CCDC171: variants seen among roughly 807,000 people sequenced by gnomAD.
CCDC171 encodes coiled-coil domain containing 171.
CCDC171 carries 177 observed loss-of-function variants against 168.2 expected under a neutral mutation model. The observed-to-expected ratio is 1.05, with a 90% CI of 0.93 to 1.19. CCDC171 has a LOEUF of 1.19. CCDC171 is among the 50% of genes most tolerant of loss of function. The pLI is 0.00. For synonymous variants in CCDC171, 687 were observed against 540.8 expected, an observed-to-expected ratio of 1.27 and a Z score of -3.75; for missense variants, 1,991 against 1,539.0, an observed-to-expected ratio of 1.29 and a Z score of -4.91.
chr9:15,986,334 T>C (rs1831985737), intron 3 of CCDC171, among the ~76,000 whole-genome samples: 1 of 152,216 alleles, frequency 6.6e-6, no homozygotes, highest in Non-Finnish European at 1.5e-5. Context: ...TCATTGAGTA[T>C]ACTTCAAAGA....
At chr9:15,877,942 A>T (rs992854755) in intron 24 of CCDC171, among the ~76,000 whole-genome samples, 2 of 152,164 alleles carry the variant, frequency 1.3e-5, no homozygotes, top group Non-Finnish European at 2.9e-5. Context: ...TTAAACAGTA[A>T]CAATAGCTAA....
intron 18 of CCDC171, among the ~76,000 whole-genome samples, chr9:15,763,897 G>T (rs115881194): frequency 0.012 from 1,855 of 152,202 alleles, 28 homozygotes; most frequent in African/African-American, 0.043. Flanking sequence ...TCTTTTGTTG[G>T]ATGTATGTTT....
chr9:15,890,306 T>C (rs541966657), intron 24 of CCDC171, among the ~76,000 whole-genome samples: 1 of 152,228 alleles, frequency 6.6e-6, no homozygotes, highest in South Asian at 2.1e-4. Flanking sequence ...TGAAATTTGT[T>C]CTTGCTGGGT....
intron 21 of CCDC171, among the ~76,000 whole-genome samples, chr9:15,825,119 C>G (rs1017992154): frequency 1.3e-5 from 2 of 152,184 alleles, no homozygotes; most frequent in Non-Finnish European, 2.9e-5. Context: ...CCACCTATGA[C>G]TGAATTTCAG....
intron 16 of CCDC171, 114 bp from the exon 17 acceptor site, chr9:15,744,159 T>A (rs1228597062): frequency 1.2e-6 from 1 of 830,584 alleles, no homozygotes; most frequent in Admixed American, 3.0e-5. Flanking sequence ...CACATGTATC[T>A]TTTAAAGAGG....
chr9:15,764,637 C>G (rs748288142), intron 18 of CCDC171, among the ~76,000 whole-genome samples: 3 of 152,108 alleles, frequency 2.0e-5, no homozygotes, highest in East Asian at 3.8e-4. Context: ...CATGTTATGT[C>G]TGAGAAATAT....
intron 7 of CCDC171, among the ~76,000 whole-genome samples, chr9:15,624,480 A>G (rs1198743453): frequency 1.3e-5 from 2 of 151,708 alleles, no homozygotes; most frequent in African/African-American, 4.8e-5. Context: ...ACCCCATGAC[A>G]GGCCCCGGTG....
intron 3 of CCDC171, among the ~76,000 whole-genome samples, chr9:15,993,057 C>T (rs1437522159): frequency 2.6e-5 from 4 of 152,174 alleles, no homozygotes; most frequent in Non-Finnish European, 4.4e-5. Context: ...CCCCATCAAG[C>T]TACCAATGAC....
chr9:15,918,140 C>T lies in CCDC171; in HGVS notation c.3601-2130C>T, dbSNP rs551952076. 4.6e-5 allele frequency among the ~76,000 whole-genome samples: 7 copies of T among 151,610 alleles called. 1 individual carries two copies. In the South Asian group the frequency reaches 8.3e-4, roughly 18 times the overall value. On this transcript the variant is annotated intron_variant, in intron 24 of 25. Coordinates refer to ENST00000380701, the MANE Select transcript of CCDC171 (RefSeq NM_173550.4). ...TAAACTTGGACTAGTTATTTAATCC[C>T]TCCAAGCTCCTGTGTTTTGCTCTGA...
intron 16 of CCDC171, among the ~76,000 whole-genome samples, chr9:15,734,567 T>G (rs2054364064): frequency 6.6e-6 from 1 of 152,068 alleles, no homozygotes; most frequent in Non-Finnish European, 1.5e-5. Flanking sequence ...AATAAATAAA[T>G]AAATAGGCAT....
chr9:15,989,514 G>A (rs945550163), intron 3 of CCDC171, among the ~76,000 whole-genome samples: 3 of 152,112 alleles, frequency 2.0e-5, no homozygotes, highest in African/African-American at 7.2e-5. Context: ...CTAAAAATCC[G>A]AGGGCCTCTC....
rs751239381 is a variant in CCDC171 at position 15,996,710 on chromosome 9, T to C, written n.369-23879T>C. On this transcript the variant is annotated intron_variant and non_coding_transcript_variant, in intron 3 of 9. Transcript: ENST00000486641. ...ACATGTATGTCAATCTGGAAGGATATACAAGTATTATTATTAGCTCTGAGA... is the reference window on the plus strand; with the variant it reads ...ACATGTATGTCAATCTGGAAGGATACACAAGTATTATTATTAGCTCTGAGA... Among the ~76,000 whole-genome samples the C allele has an allele frequency of 3.2e-4, 49 of 152,258 alleles. 1 individual carries two copies. Among genetic ancestry groups the C allele is most frequent in the Non-Finnish European group, 5.7e-4 (39 of 68,022 alleles).
At chr9:15,708,389 C>G (rs2052404749) in intron 11 of CCDC171, among the ~76,000 whole-genome samples, 1 of 152,206 alleles carries the variant, frequency 6.6e-6, no homozygotes, top group Non-Finnish European at 1.5e-5. Context: ...GTACAATCAG[C>G]TTCCCTTTGA....
chr9:15,705,535 A>G (rs538218265), intron 11 of CCDC171, among the ~76,000 whole-genome samples: 1 of 152,280 alleles, frequency 6.6e-6, no homozygotes, highest in East Asian at 1.9e-4. Flanking sequence ...CTACCCAGAA[A>G]GCTTTTTACC....
At chr9:16,102,630 C>T in the CCDC171 span, among the ~76,000 whole-genome samples, 1 of 152,112 alleles carries the variant, frequency 6.6e-6, no homozygotes, top group African/African-American at 2.4e-5. Context: ...ACAAGAAACT[C>T]GGATATCTTT....
intron 3 of CCDC171, among the ~76,000 whole-genome samples, chr9:15,578,034 C>T (rs904395687): frequency 2.0e-5 from 3 of 152,100 alleles, no homozygotes; most frequent in Non-Finnish European, 2.9e-5. Flanking sequence ...GCAAAATTGG[C>T]ACTTTTATTA....
chr9:15,656,780 T>G (rs1311195163), intron 7 of CCDC171, among the ~76,000 whole-genome samples: 1 of 152,160 alleles, frequency 6.6e-6, no homozygotes, highest in African/African-American at 2.4e-5. Flanking sequence ...ACATAAGGAA[T>G]CTTTTAAGAG....
rs988764478 is a variant in CCDC171 at position 15,631,700 on chromosome 9, G to A, written c.822+8287G>A. Among the ~76,000 whole-genome samples the A allele has an allele frequency of 9.2e-5, 14 of 151,982 alleles. 1 individual carries two copies. In the South Asian group the frequency reaches 1.2e-3, roughly 14 times the overall value. Reference sequence around the variant, plus strand: ...CCAGCATCATTCTGATACGAAAGCCGGGCAGAGACACAACCAAAAAAGAGA... The same window carrying A: ...CCAGCATCATTCTGATACGAAAGCCAGGCAGAGACACAACCAAAAAAGAGA... On this transcript the variant is annotated intron_variant, in intron 7 of 25. Coordinates refer to ENST00000380701, the MANE Select transcript of CCDC171 (RefSeq NM_173550.4).
chr9:15,769,847 A>T (rs2056921861), intron 18 of CCDC171, among the ~76,000 whole-genome samples: 2 of 152,222 alleles, frequency 1.3e-5, no homozygotes, highest in South Asian at 4.1e-4. Flanking sequence ...TTGAAATAGC[A>T]GCCTTAAGCC....
Sources: gnomAD v4.1 joint callset for allele counts (sites outside exome capture counted in the v4.1 genomes callset) on GRCh38, gnomAD v4.1.1 for gene constraint, MANE v1.5 for transcripts, NCBI Gene and HGNC (gene_info 2026-07-23, HGNC 2026-07-21) for gene names.